PTPRG: variants seen among roughly 807,000 people sequenced by gnomAD.
The protein encoded by PTPRG is receptor-type tyrosine-protein phosphatase gamma.
In PTPRG, 102 loss-of-function variants were observed where a neutral mutation model predicts 165.3. That is an observed-to-expected ratio of 0.62 (90% CI 0.53 to 0.73). The LOEUF is 0.73. PTPRG is among the 30% of genes least tolerant of loss of function. The probability of loss-of-function intolerance (pLI) is 0.00; values close to 1 mark genes in which losing one functional copy is unlikely to be tolerated. For missense variants in PTPRG, 1,866 were observed against 1,861.4 expected (o/e 1.00, Z -0.05); for synonymous variants, 675 against 669.5 (o/e 1.01, Z -0.13).
At position 61,562,365 on chromosome 3, in the gene PTPRG, C is replaced by T. The variant is rs142428806; in HGVS notation, c.78C>T (p.Cys26=). 2.5e-6 allele frequency: 4 copies of T among 1,613,454 alleles called. No homozygotes were observed. The highest frequency in any genetic ancestry group is 2.7e-5 in the African/African-American group (2 of 74,908). Reference sequence around the variant, plus strand: ...GTTCCGTGCTCCATTATGTCGTGTGCTTCCCCGGTGAGTGCCGGCCGCCGA... The same window carrying T: ...GTTCCGTGCTCCATTATGTCGTGTGTTTCCCCGGTGAGTGCCGGCCGCCGA... ...ITSSVLHYVV[C]FPALTEGYVG... The change falls in exon 1 of 30, where the codon TGC becomes TGT. Residue 26 remains cysteine, a synonymous_variant. Transcript: ENST00000474889.
chr3:62,239,473 G>A (rs1020008624), intron 14 of PTPRG, among the ~76,000 whole-genome samples: 5 of 149,132 alleles, frequency 3.4e-5, no homozygotes, highest in East Asian at 2.0e-4. Context: ...AGGTTCCAAC[G>A]TTTCTTCTGC....
Position 61,734,054 on chromosome 3 carries a change from T to G in PTPRG, c.86-14824T>G, listed in dbSNP as rs139672114. ...GCCTCGGCTTTCCAAAGTACTGCGA[T>G]TACAGGCATGAGCCACCACGCCCAG... On this transcript the variant is annotated intron_variant, in intron 1 of 29. Transcript: ENST00000474889. Among the ~76,000 whole-genome samples the G allele has an allele frequency of 7.9e-3, 1,199 of 152,320 alleles. 26 individuals carry two copies. The highest frequency in any genetic ancestry group is 7.0e-3 in the Non-Finnish European group (478 of 68,024).
At chr3:62,016,048 T>C (rs1300098705) in intron 4 of PTPRG, among the ~76,000 whole-genome samples, 1 of 151,580 alleles carries the variant, frequency 6.6e-6, no homozygotes, top group Non-Finnish European at 1.5e-5. Context: ...GAATGTAACA[T>C]AGAGAAGTGA....
intron 1 of PTPRG, among the ~76,000 whole-genome samples, chr3:61,597,132 C>G (rs1001643244): frequency 6.6e-6 from 1 of 152,150 alleles, no homozygotes; most frequent in East Asian, 1.9e-4. Context: ...AGTAACAAAC[C>G]CACTCCCTCC....
At chr3:62,196,166 G>T (rs1277853178) in intron 10 of PTPRG, among the ~76,000 whole-genome samples, 1 of 151,626 alleles carries the variant, frequency 6.6e-6, no homozygotes, top group Non-Finnish European at 1.5e-5. Flanking sequence ...GGAGGCTGAG[G>T]TGGGTAGATC....
chr3:61,656,218 C>T (rs1438215319), intron 1 of PTPRG, among the ~76,000 whole-genome samples: 1 of 152,006 alleles, frequency 6.6e-6, no homozygotes, highest in Non-Finnish European at 1.5e-5. Flanking sequence ...GGCAACAGAG[C>T]CTGACCCTGT....
chr3:61,927,486 G>C (rs758220439), intron 2 of PTPRG, among the ~76,000 whole-genome samples: 3 of 152,212 alleles, frequency 2.0e-5, no homozygotes, highest in African/African-American at 4.8e-5. Flanking sequence ...TTTGAGAATT[G>C]TTATATCCTG....
At chr3:62,238,229 C>G (rs910731235) in intron 14 of PTPRG, among the ~76,000 whole-genome samples, 1 of 152,136 alleles carries the variant, frequency 6.6e-6, no homozygotes, top group Non-Finnish European at 1.5e-5. Context: ...CTCACATACC[C>G]ACTGAGTTCG....
intron 2 of PTPRG, among the ~76,000 whole-genome samples, chr3:61,844,838 TA>T (rs2036761739): frequency 6.6e-6 from 1 of 152,140 alleles, no homozygotes; most frequent in Admixed American, 6.5e-5. Context: ...CTGGCAACCC[TA>T]GTTTCTAGAA....
intron 1 of PTPRG, among the ~76,000 whole-genome samples, chr3:61,740,496 G>T (rs547059543): frequency 6.6e-6 from 1 of 152,104 alleles, no homozygotes; most frequent in Non-Finnish European, 1.5e-5. Context: ...AGAGTTAATG[G>T]CAGAGGAATG....
intron 1 of PTPRG, among the ~76,000 whole-genome samples, chr3:61,628,326 A>AT (rs1487094236): frequency 2.0e-5 from 3 of 151,034 alleles, no homozygotes; most frequent in Non-Finnish European, 4.4e-5. Context: ...TTATATATTT[A>AT]TTTTTTTTGA....
chr3:61,879,376 CTTCTT>C (rs1032914766), intron 2 of PTPRG, among the ~76,000 whole-genome samples: 1 of 152,032 alleles, frequency 6.6e-6, no homozygotes, highest in Admixed American at 6.5e-5. Context: ...TTATCGAGGT[CTTCTT>C]TTCTTTCTTT....
chr3:61,743,528 T>C (rs2033084218), intron 1 of PTPRG, among the ~76,000 whole-genome samples: 1 of 151,838 alleles, frequency 6.6e-6, no homozygotes, highest in Non-Finnish European at 1.5e-5. Flanking sequence ...TGTGTGTTGG[T>C]TAAAATGTCA....
intron 4 of PTPRG, among the ~76,000 whole-genome samples, chr3:62,033,260 A>G (rs1699827448): frequency 6.6e-6 from 1 of 151,844 alleles, no homozygotes; most frequent in South Asian, 2.1e-4. Flanking sequence ...GACTCTTCTT[A>G]TTAAAGCTTC....
chr3:61,873,402 G>C (rs540650812), intron 2 of PTPRG, among the ~76,000 whole-genome samples: 2 of 152,154 alleles, frequency 1.3e-5, no homozygotes, highest in African/African-American at 4.8e-5. Context: ...TACAGAAATA[G>C]AAAAATATGA....
At chr3:61,580,182 C>T (rs1026192159) in intron 1 of PTPRG, among the ~76,000 whole-genome samples, 1 of 152,086 alleles carries the variant, frequency 6.6e-6, no homozygotes, top group African/African-American at 2.4e-5. Flanking sequence ...ACGGTGGAAC[C>T]TGTAATCCCA....
intron 2 of PTPRG, among the ~76,000 whole-genome samples, chr3:61,930,096 C>G (rs1480987959): frequency 1.4e-5 from 2 of 144,526 alleles, no homozygotes; most frequent in African/African-American, 2.6e-5. Context: ...TCTCTAAGAT[C>G]TGGTTGACAA....
intron 29 of PTPRG, 178 bp downstream of exon 29, chr3:62,292,734 A>G (rs1166042354): frequency 2.4e-5 from 16 of 660,202 alleles, no homozygotes; most frequent in South Asian, 6.1e-5. Context: ...GATACAAGCC[A>G]GAGATGCTGC....
intron 2 of PTPRG, among the ~76,000 whole-genome samples, chr3:61,826,174 G>A (rs1485819548): frequency 1.3e-5 from 2 of 152,094 alleles, no homozygotes; most frequent in African/African-American, 2.4e-5. Context: ...CGGAATAGTA[G>A]GGAGAAGCCT....
Sources: gnomAD v4.1 joint callset for allele counts (sites outside exome capture counted in the v4.1 genomes callset) on GRCh38, gnomAD v4.1.1 for gene constraint, MANE v1.5 for transcripts, NCBI Gene and HGNC (gene_info 2026-07-23, HGNC 2026-07-21) for gene names.